The following PRKCH variants were observed in gnomAD, a reference collection of about 807,000 sequenced individuals.
PRKCH encodes protein kinase C eta.
A neutral mutation model predicts 82.5 loss-of-function variants in PRKCH; 28 were observed. The observed-to-expected ratio is 0.34, with a 90% CI of 0.25 to 0.47. PRKCH has a LOEUF of 0.47. Ranked by LOEUF, PRKCH falls within the 20% of genes least tolerant of loss-of-function variation. PRKCH has a pLI of 1.00. For synonymous variants in PRKCH, 322 were observed against 327.4 expected, an observed-to-expected ratio of 0.98 and a Z score of 0.18; for missense variants, 705 against 881.8, an observed-to-expected ratio of 0.80 and a Z score of 2.54.
chr14:61,327,732 C>T (rs1020873513), intron 1 of PRKCH, among the ~76,000 whole-genome samples: 5 of 152,166 alleles, frequency 3.3e-5, no homozygotes, highest in South Asian at 2.1e-4. Context: ...CAGGGACCCA[C>T]CTCTCTTATT....
chr14:61,382,275 C>T (rs968068034), intron 1 of PRKCH, among the ~76,000 whole-genome samples: 1 of 151,976 alleles, frequency 6.6e-6, no homozygotes, highest in African/African-American at 2.4e-5. Flanking sequence ...ACAAAAAATA[C>T]AAAAATTAGC....
intron 1 of PRKCH, among the ~76,000 whole-genome samples, chr14:61,359,939 A>G (rs1308685936): frequency 7.2e-5 from 11 of 152,236 alleles, no homozygotes; most frequent in Non-Finnish European, 1.5e-5. Context: ...CTGATGGATA[A>G]TATCAAAGCC....
At position 61,453,075 on chromosome 14, in the gene PRKCH, C is replaced by G. The variant is rs939982943; in HGVS notation, c.833-151C>G. Reference sequence around the variant, plus strand: ...ATAGATAAAATGTCAGGAACTATTACTAGTGTGAGCTTAATTTTATGAGAA... The same window carrying G: ...ATAGATAAAATGTCAGGAACTATTAGTAGTGTGAGCTTAATTTTATGAGAA... On this transcript the variant is annotated intron_variant, in intron 6 of 13. Transcript: ENST00000332981. 1.0e-5 allele frequency: 9 copies of G among 897,104 alleles called. No individual in the cohort carries two copies. In the African/African-American group the frequency reaches 1.4e-4, roughly 13 times the overall value. 55.6% of individuals were successfully genotyped at this position (897,104 alleles called of 1,614,324 possible).
intron 10 of PRKCH, 41 bp downstream of exon 10, chr14:61,485,697 C>T (rs750773946): frequency 2.5e-6 from 4 of 1,588,824 alleles, no homozygotes; most frequent in East Asian, 2.3e-5. Flanking sequence ...TTCACTGCCT[C>T]TTCCCTCTCC....
chr14:61,301,465 T>A (rs2045446776), intron 1 of PRKCH, among the ~76,000 whole-genome samples: 1 of 152,264 alleles, frequency 6.6e-6, no homozygotes, highest in Non-Finnish European at 1.5e-5. Flanking sequence ...ATTTAAAATG[T>A]CAGAATGTTT....
chr14:61,200,150 T>C (rs913897658), intron 1 of PRKCH, among the ~76,000 whole-genome samples: 9 of 152,190 alleles, frequency 5.9e-5, no homozygotes, highest in Admixed American at 5.9e-4. Context: ...GAGGGTGTTT[T>C]TTTCTTTTCC....
chr14:61,540,465 G>A (rs2043168828), intron 12 of PRKCH, among the ~76,000 whole-genome samples: 1 of 152,194 alleles, frequency 6.6e-6, no homozygotes, highest in Admixed American at 6.5e-5. Flanking sequence ...AAAGGCCTGA[G>A]TTCAAATCCT....
chr14:61,378,206 TTTTTTCTTTTTC>T (rs1315504062), intron 1 of PRKCH, among the ~76,000 whole-genome samples: 1 of 149,078 alleles, frequency 6.7e-6, no homozygotes, highest in African/African-American at 2.5e-5. Flanking sequence ...CTAGGGCTTT[TTTTTTCTTTTTC>T]TTTTTCTTTT....
At chr14:61,527,625 A>G (rs182147157) in intron 10 of PRKCH, among the ~76,000 whole-genome samples, 18 of 152,232 alleles carry the variant, frequency 1.2e-4, no homozygotes, top group Admixed American at 9.2e-4. Context: ...TTAATGAGGG[A>G]GCATCAATGA....
intron 10 of PRKCH, among the ~76,000 whole-genome samples, chr14:61,522,367 C>T (rs1233638949): frequency 1.6e-4 from 24 of 152,074 alleles, no homozygotes; most frequent in Admixed American, 1.6e-3. Context: ...CAGAGTTTTC[C>T]ATGGTTTATT....
chr14:61,404,293 A>G lies in PRKCH; in HGVS notation c.427+13005A>G, dbSNP rs542905707. On this transcript the variant is annotated intron_variant, in intron 2 of 13. Coordinates refer to ENST00000332981, the MANE Select transcript of PRKCH (RefSeq NM_006255.5). ...CTGAGGTTGCAGATACATTCTTTGT[A>G]TATGTAAGAGACCACCTTATATTTT... Among the ~76,000 whole-genome samples, 10 of 152,320 alleles carry G rather than the reference A, an allele frequency of 6.6e-5. No individual in the cohort carries two copies. In the South Asian group the frequency reaches 2.1e-3, roughly 32 times the overall value.
chr14:61,449,795 T>A lies in PRKCH; in HGVS notation c.702+543T>A, dbSNP rs145279700. ...TACATATGTTAATAACTGTAAATTA[T>A]GTTTCCTAAGTAAAAAGATTGCTGG... is the stretch of plus-strand genomic sequence containing the variant. On this transcript the variant is annotated intron_variant, in intron 5 of 13. Coordinates refer to ENST00000332981, the MANE Select transcript of PRKCH (RefSeq NM_006255.5). Among the ~76,000 whole-genome samples, 82 of 152,298 alleles carry A rather than the reference T, an allele frequency of 5.4e-4. 2 individuals carry two copies. The East Asian group carries it at 0.015, about 28-fold the overall frequency.
intron 1 of PRKCH, among the ~76,000 whole-genome samples, chr14:61,270,866 C>T (rs897665824): frequency 5.3e-5 from 8 of 152,110 alleles, no homozygotes; most frequent in African/African-American, 1.7e-4. Flanking sequence ...TCATGCTAGT[C>T]AGGAGGCTGA....
chr14:61,462,567 G>A (rs1885073904), intron 9 of PRKCH, among the ~76,000 whole-genome samples: 1 of 152,150 alleles, frequency 6.6e-6, no homozygotes, highest in Non-Finnish European at 1.5e-5. Context: ...ATTTACTGTT[G>A]TAAAACTATC....
At chr14:61,462,321 C>T (rs546190872) in intron 9 of PRKCH, among the ~76,000 whole-genome samples, 1 of 152,100 alleles carries the variant, frequency 6.6e-6, no homozygotes, top group East Asian at 1.9e-4. Flanking sequence ...ACCCGGGAGG[C>T]AGAGGTTGCA....
intron 1 of PRKCH, among the ~76,000 whole-genome samples, chr14:61,370,806 G>A (rs778639733): frequency 6.6e-6 from 1 of 152,062 alleles, no homozygotes; most frequent in African/African-American, 2.4e-5. Flanking sequence ...TTGCAGATAG[G>A]AGTACTCATA....
intron 5 of PRKCH, among the ~76,000 whole-genome samples, 154 bp from the exon 6 acceptor site, chr14:61,450,688 C>G (rs1264504197): frequency 6.6e-6 from 1 of 152,162 alleles, no homozygotes; most frequent in Non-Finnish European, 1.5e-5. Flanking sequence ...GTTCGTAAGA[C>G]CTGAGTAATT....
rs185181858 is a variant in PRKCH, at chr14:61,471,480, A to G, written c.1278+13801A>G. ...ATTAAAACACCATGCCCAGTTAGCC[A>G]TCATCGCCACTCAGAGCTGTCTGCT... On this transcript the variant is annotated intron_variant, in intron 9 of 13. Coordinates refer to ENST00000332981, the MANE Select transcript of PRKCH (RefSeq NM_006255.5). 1.8e-4 allele frequency among the ~76,000 whole-genome samples: 28 copies of G among 152,186 alleles called. No individual in the cohort carries two copies. The East Asian group carries it at 4.8e-3, about 26-fold the overall frequency.
At chr14:61,485,711 T>C (rs1536016) in intron 10 of PRKCH, 55 bp downstream of exon 10, 1,477,390 of 1,559,970 alleles carry the variant, frequency 0.95, 702,393 homozygotes, top group Admixed American at 0.97. Flanking sequence ...CCTCTCCTGG[T>C]ATGATCCATC....
Sources: allele counts gnomAD v4.1 joint callset (sites outside exome capture counted in the v4.1 genomes callset), GRCh38; gene constraint gnomAD v4.1.1; transcripts MANE v1.5; gene names NCBI Gene and HGNC (gene_info 2026-07-23, HGNC 2026-07-21).